ZNF716: variants seen among roughly 807,000 people sequenced by gnomAD.
ZNF716 encodes zinc finger protein 716.
A neutral mutation model predicts 13.4 loss-of-function variants in ZNF716; 9 were observed. The ratio of observed to expected loss-of-function variants is 0.67; its 90% CI spans 0.41 to 1.18. ZNF716 has a LOEUF of 1.18. ZNF716 is among the 50% of genes most tolerant of loss of function. ZNF716 has a pLI of 0.01. For synonymous variants in ZNF716, 186 were observed against 195.2 expected (o/e 0.95, Z 0.39); for missense variants, 581 against 576.6 (o/e 1.01, Z -0.08).
At chr7:57,459,547 AG>A (rs1478474388) in intron 1 of ZNF716, among the ~76,000 whole-genome samples, 6 of 152,218 alleles carry the variant, frequency 3.9e-5, no homozygotes, top group African/African-American at 1.2e-4. Flanking sequence ...CAGCATTTAC[AG>A]GGGACTTGTT....
At chr7:57,457,474 A>G (rs1583716960) in intron 1 of ZNF716, among the ~76,000 whole-genome samples, 1 of 152,124 alleles carries the variant, frequency 6.6e-6, no homozygotes, top group East Asian at 1.9e-4. Flanking sequence ...CCTCTTGAGT[A>G]GCTGGGATTA....
rs141992324 is a variant in ZNF716, at chr7:57,455,584, T to A, written c.39+5257T>A. Among the ~76,000 whole-genome samples, 1,651 of 152,170 alleles carry A rather than the reference T, an allele frequency of 0.011. 153 individuals are homozygous for A. The East Asian group carries it at 0.24, about 22-fold the overall frequency. On this transcript the variant is annotated intron_variant, in intron 1 of 3. Coordinates refer to ENST00000420713, the MANE Select transcript of ZNF716 (RefSeq NM_001159279.1). ...CTGGCTGGAGTGCAGTGGCACAATC[T>A]CAGCTCATTGCAATCTCCACCTCCT...
At position 57,464,113 on chromosome 7, in the gene ZNF716, T is replaced by A. The variant is rs1401455062; in HGVS notation, c.262+945T>A. Among the ~76,000 whole-genome samples the A allele has an allele frequency of 1.8e-5, 2 of 113,638 alleles. 1 individual carries two copies. Among genetic ancestry groups the A allele is most frequent in the Non-Finnish European group, 3.3e-5 (2 of 59,812 alleles). The allele number at this position is 113,638 out of a possible 152,430, so 74.6% of individuals were successfully genotyped here. A position where few individuals can be genotyped will look rare whatever the true frequency, so the allele number is the denominator to read the frequency against. ...AAAGGTAGTTCAATCATTTGTCCAT[T>A]TCTTTTTTCTTTTTTTTTTTTTTTT... On this transcript the variant is annotated intron_variant, in intron 3 of 3. Coordinates refer to ENST00000420713, the MANE Select transcript of ZNF716 (RefSeq NM_001159279.1).
Position 57,468,835 on chromosome 7 carries a change from T to G in ZNF716, c.374T>G (p.Val125Gly). Residue 125 changes from valine to glycine, a missense_variant, in exon 4 of 4, where the codon GTA (valine) becomes GGA (glycine). Coordinates refer to ENST00000420713, the MANE Select transcript of ZNF716 (RefSeq NM_001159279.1). Reference protein sequence around the residue: ...YGKCGQEDLQVKKCCKSVGEC... With the variant: ...YGKCGQEDLQGKKCCKSVGEC... ...AAATGTGGACAGGAGGATTTACAAGTAAAAAAATGCTGTAAAAGTGTAGGT... is the reference window on the plus strand; with the variant it reads ...AAATGTGGACAGGAGGATTTACAAGGAAAAAAATGCTGTAAAAGTGTAGGT... 6.2e-7 allele frequency: 1 copy of G among 1,613,564 alleles called. No homozygotes were observed. The highest frequency in any genetic ancestry group is 8.5e-7 in the Non-Finnish European group (1 of 1,179,834).
At chr7:57,468,114 A>ATGTGAG (rs1554324439) in intron 3 of ZNF716, among the ~76,000 whole-genome samples, 1 of 152,010 alleles carries the variant, frequency 6.6e-6, no homozygotes, top group Non-Finnish European at 1.5e-5. Context: ...TGTTCTCAGG[A>ATGTGAG]TGTGTCTTGT....
intron 1 of ZNF716, 92 bp from the exon 2 acceptor site, chr7:57,462,368 A>G (rs782742112): frequency 7.1e-7 from 1 of 1,408,378 alleles, no homozygotes; most frequent in Non-Finnish European, 9.8e-7. Context: ...CTTATTTAAC[A>G]TGAGTCAAAT....
chr7:57,462,342 C>T, intron 1 of ZNF716, 118 bp from the exon 2 acceptor site: 2 of 1,193,112 alleles, frequency 1.7e-6, no homozygotes, highest in Non-Finnish European at 2.4e-6. Context: ...AAGTCAGAAC[C>T]ACTTCTTTTT....
At chr7:57,457,577 C>T (rs1299479305) in intron 1 of ZNF716, among the ~76,000 whole-genome samples, 1 of 152,148 alleles carries the variant, frequency 6.6e-6, no homozygotes, top group African/African-American at 2.4e-5. Context: ...CTCCTGGCCT[C>T]AGGTGATCTG....
At position 57,450,183 on chromosome 7, in the gene ZNF716, G is replaced by A; in HGVS notation, c.-106G>A. ...TTCCGTAAGGTTACGGGTTCTTTTT[G>A]CTTCTCTGCGCCCAGAGCTCCAGTC... is the stretch of plus-strand genomic sequence containing the variant. On this transcript the variant is annotated 5_prime_UTR_variant, in exon 1 of 4. Coordinates refer to ENST00000420713, the MANE Select transcript of ZNF716 (RefSeq NM_001159279.1). 1 of 1,536,476 alleles carries A rather than the reference G, an allele frequency of 6.5e-7. No individual in the cohort carries two copies. The highest frequency in any genetic ancestry group is 1.9e-5 in the Admixed American group (1 of 52,636).
chr7:57,456,383 GAGA>G (rs1789590674), intron 1 of ZNF716, among the ~76,000 whole-genome samples: 1 of 152,172 alleles, frequency 6.6e-6, no homozygotes, highest in Non-Finnish European at 1.5e-5. Flanking sequence ...GACAGTAGCT[GAGA>G]AGCATAGATG....
chr7:57,453,358 A>T (rs1163146336), intron 1 of ZNF716, among the ~76,000 whole-genome samples: 1 of 152,170 alleles, frequency 6.6e-6, no homozygotes, highest in Non-Finnish European at 1.5e-5. Flanking sequence ...TGAGTCAGAC[A>T]TGTCTGTTCC....
rs782350042 is a variant in ZNF716, at chr7:57,462,503, C to T, written c.83C>T (p.Ala28Val). The change falls in exon 2 of 4, where the codon GCG (alanine) becomes GTG (valine). Residue 28 changes from alanine (A) to valine (V), a missense_variant. Physicochemically the swap from Ala to Val is moderately conservative, Grantham distance 64. Coordinates refer to ENST00000420713, the MANE Select transcript of ZNF716 (RefSeq NM_001159279.1). ...FRDIAIEFSL[A>V]EWQCLDHAQQ... is the part of the protein sequence containing the mutation. Reference sequence around the variant, plus strand: ...GACATAGCTATAGAATTTTCTCTGGCGGAATGGCAATGCCTGGATCATGCT... The same window carrying T: ...GACATAGCTATAGAATTTTCTCTGGTGGAATGGCAATGCCTGGATCATGCT... 30 of 1,613,678 alleles carry T rather than the reference C, an allele frequency of 1.9e-5. No individual in the cohort carries two copies. The highest frequency in any genetic ancestry group is 1.6e-4 in the East Asian group (7 of 44,858).
At chr7:57,461,117 A>AT (rs1318034738) in intron 1 of ZNF716, among the ~76,000 whole-genome samples, 21 of 130,834 alleles carry the variant, frequency 1.6e-4, no homozygotes, top group South Asian at 2.7e-4. Context: ...TAAAAAAAAA[A>AT]AAATACAAAA....
intron 1 of ZNF716, among the ~76,000 whole-genome samples, chr7:57,453,755 G>T (rs1443131235): frequency 1.3e-5 from 2 of 152,158 alleles, no homozygotes; most frequent in Non-Finnish European, 2.9e-5. Flanking sequence ...GATAACTGGG[G>T]AATTACATAG....
intron 1 of ZNF716, among the ~76,000 whole-genome samples, chr7:57,460,267 C>T (rs1320327700): frequency 6.6e-6 from 1 of 151,904 alleles, no homozygotes; most frequent in African/African-American, 2.4e-5. Flanking sequence ...TGGTAGCATG[C>T]ACCTGTAGTC....
chr7:57,470,161 AT>A lies in ZNF716; in HGVS notation c.*215del. On this transcript the variant is annotated 3_prime_UTR_variant, in exon 4 of 4. Coordinates refer to ENST00000420713, the MANE Select transcript of ZNF716 (RefSeq NM_001159279.1). ...CTCAAACCTTAATGAACCCAAGAGA[AT>A]TTATTTAAAAAAATTTTTTTGAGAC... 2.2e-6 allele frequency: 1 copy of A among 463,728 alleles called. No homozygotes were observed. Among genetic ancestry groups the A allele is most frequent in the Non-Finnish European group, 3.5e-6 (1 of 287,438 alleles). The allele number at this position is 463,728 out of a possible 1,614,324, so 28.7% of individuals were successfully genotyped here.
In ZNF716 at chr7:57,461,596, T is replaced by C. The variant is rs143175417; in HGVS notation, c.40-864T>C. ...TTAAAAATGAAGGCTTTTAGCTTTA[T>C]TTACAGGTGAGAGAAACTGGGAAGA... On this transcript the variant is annotated intron_variant, in intron 1 of 3. Transcript: ENST00000420713. 7.0e-3 allele frequency among the ~76,000 whole-genome samples: 1,067 copies of C among 152,294 alleles called. 20 individuals are homozygous for C. Among genetic ancestry groups the C allele is most frequent in the African/African-American group, 0.024 (999 of 41,562 alleles).
At chr7:57,465,861 T>C (rs1789800402) in intron 3 of ZNF716, among the ~76,000 whole-genome samples, 1 of 152,162 alleles carries the variant, frequency 6.6e-6, no homozygotes, top group Non-Finnish European at 1.5e-5. Flanking sequence ...CCATAATAAA[T>C]GATGAGTTCA....
intron 3 of ZNF716, among the ~76,000 whole-genome samples, chr7:57,467,545 T>TC (rs1789838829): frequency 1.3e-5 from 2 of 152,116 alleles, no homozygotes; most frequent in Middle Eastern, 3.4e-3. Context: ...CACGTTTTTT[T>TC]CTGATCTGCA....
Sources: gnomAD v4.1 joint callset for allele counts (sites outside exome capture counted in the v4.1 genomes callset) on GRCh38, gnomAD v4.1.1 for gene constraint, MANE v1.5 for transcripts, NCBI Gene and HGNC (gene_info 2026-07-23, HGNC 2026-07-21) for gene names.